The following MSH3 variants were observed in gnomAD, a reference collection of about 807,000 sequenced individuals.
The protein encoded by MSH3 is DNA mismatch repair protein Msh3.
Under a neutral mutation model 123.3 loss-of-function variants are expected in MSH3, and 106 were observed. The observed-to-expected ratio is 0.86, with a 90% CI of 0.73 to 1.01. The LOEUF (loss-of-function observed/expected upper bound fraction) is 1.01. MSH3 is among the 50% of genes least tolerant of loss of function. The pLI is 0.00. For missense variants in MSH3, 1,459 were observed against 1,347.6 expected, an observed-to-expected ratio of 1.08 and a Z score of -1.29; for synonymous variants, 515 against 481.4, an observed-to-expected ratio of 1.07 and a Z score of -0.91.
intron 8 of MSH3, among the ~76,000 whole-genome samples, chr5:80,705,713 A>G (rs1750706977): frequency 6.6e-6 from 1 of 152,200 alleles, no homozygotes; most frequent in Admixed American, 6.5e-5. Flanking sequence ...TGAAGGAAGG[A>G]TCTGTTCCAG....
intron 15 of MSH3, among the ~76,000 whole-genome samples, chr5:80,774,311 T>C (rs546398493): frequency 6.6e-6 from 1 of 151,390 alleles, no homozygotes; most frequent in African/African-American, 2.4e-5. Context: ...CAAATGTTGA[T>C]GAGGATGTGG....
At chr5:80,775,890 CTT>C (rs760266846) in intron 16 of MSH3, 132 bp downstream of exon 16, 1,273 of 514,904 alleles carry the variant, frequency 2.5e-3, no homozygotes, top group East Asian at 3.7e-3. Context: ...TCTGATGGAA[CTT>C]TTTTTTTTTT....
In MSH3 at chr5:80,729,430, A is replaced by ATGTGTGTG. The variant is rs71594671; in HGVS notation, c.1568+489_1568+496dup. The stretch of plus-strand genomic sequence containing the variant: ...CTCCGTCCCAAAAAAAAAAAAAAAA[A>ATGTGTGTG]TGTGTGTGTGTGTGTGTGTGTGTGT... On this transcript the variant is annotated intron_variant, in intron 10 of 23. Coordinates refer to ENST00000265081, the MANE Select transcript of MSH3 (RefSeq NM_002439.5). Among the ~76,000 whole-genome samples, 133 of 78,350 alleles carry ATGTGTGTG rather than the reference A, an allele frequency of 1.7e-3. 2 individuals are homozygous for ATGTGTGTG. Among genetic ancestry groups the ATGTGTGTG allele is most frequent in the African/African-American group, 4.3e-3 (76 of 17,872 alleles). The allele number at this position is 78,350 out of a possible 152,430, so 51.4% of individuals were successfully genotyped here.
At chr5:80,849,659 G>GCTGGGACACAGGGCACCAAGTC (rs1294321505) in intron 20 of MSH3, among the ~76,000 whole-genome samples, 1 of 152,128 alleles carries the variant, frequency 6.6e-6, no homozygotes, top group Non-Finnish European at 1.5e-5. Context: ...GGCTAGAGCT[G>GCTGGGACACAGGGCACCAAGTC]CTGGGACACA....
At chr5:80,852,964 G>A (rs546227509) in intron 20 of MSH3, among the ~76,000 whole-genome samples, 3 of 152,336 alleles carry the variant, frequency 2.0e-5, no homozygotes, top group Non-Finnish European at 4.4e-5. Flanking sequence ...TGGCTACTGG[G>A]TGAAAAACCT....
rs866719660 is a variant in MSH3 at position 80,730,897 on chromosome 5, T to A, written c.1568+1932T>A. Among the ~76,000 whole-genome samples, 1,396 of 144,636 alleles carry A rather than the reference T, an allele frequency of 9.7e-3. 4 individuals are homozygous for A. The highest frequency in any genetic ancestry group is 0.016 in the South Asian group (73 of 4,648). 94.9% of individuals were successfully genotyped at this position (144,636 alleles called of 152,430 possible). A position where few individuals can be genotyped will look rare whatever the true frequency, so the allele number is the denominator to read the frequency against. ...CTCCTCATATATATATATATATATT[T>A]TTTTTTTTTTCTTTTTTTTTTTTTA... is the stretch of plus-strand genomic sequence containing the variant. On this transcript the variant is annotated intron_variant, in intron 10 of 23. Transcript: ENST00000265081.
At chr5:80,754,831 G>A (rs549840799) in intron 12 of MSH3, among the ~76,000 whole-genome samples, 21 of 152,280 alleles carry the variant, frequency 1.4e-4, no homozygotes, top group Admixed American at 9.8e-4. Flanking sequence ...ATTAATGGTT[G>A]TATTTCTAAT....
At chr5:80,831,100 G>T (rs1019725488) in intron 20 of MSH3, among the ~76,000 whole-genome samples, 1 of 152,100 alleles carries the variant, frequency 6.6e-6, no homozygotes, top group Non-Finnish European at 1.5e-5. Flanking sequence ...TAATACTCCA[G>T]TAAGCTCGTT....
At chr5:80,850,100 C>A (rs1745804090) in intron 20 of MSH3, among the ~76,000 whole-genome samples, 1 of 152,190 alleles carries the variant, frequency 6.6e-6, no homozygotes, top group South Asian at 2.1e-4. Context: ...AAAATGCTGC[C>A]AGTTTATTTG....
At chr5:80,856,607 C>G (rs1173284075) in intron 21 of MSH3, among the ~76,000 whole-genome samples, 1 of 151,248 alleles carries the variant, frequency 6.6e-6, no homozygotes, top group Non-Finnish European at 1.5e-5. Context: ...TGTTAAATGA[C>G]GAGTTAATGG....
chr5:80,676,304 T>G (rs779386552), intron 7 of MSH3, among the ~76,000 whole-genome samples: 4 of 152,232 alleles, frequency 2.6e-5, no homozygotes, highest in Non-Finnish European at 5.9e-5. Flanking sequence ...ATGTTAGGAT[T>G]ACAGGCGTGA....
rs139727375 is a variant in MSH3 at position 80,686,827 on chromosome 5, G to A, written c.1340+7734G>A. On this transcript the variant is annotated intron_variant, in intron 8 of 23. Transcript: ENST00000265081. ...AAAACAGCAGTTTTTGTCAGTTACT[G>A]GTTAATAATATTTTATTAATTTTGA... is the stretch of plus-strand genomic sequence containing the variant. Among the ~76,000 whole-genome samples the A allele has an allele frequency of 2.7e-3, 409 of 150,902 alleles. 3 individuals are homozygous for A. Among genetic ancestry groups the A allele is most frequent in the Middle Eastern group, 3.6e-3 (1 of 280 alleles).
chr5:80,836,593 C>A (rs564136542), intron 20 of MSH3, among the ~76,000 whole-genome samples: 5 of 145,434 alleles, frequency 3.4e-5, no homozygotes, highest in Non-Finnish European at 7.5e-5. Context: ...CCCTCAGTAT[C>A]TGCTGGGGAC....
At chr5:80,823,470 C>CA (rs1241292434) in intron 20 of MSH3, among the ~76,000 whole-genome samples, 1 of 152,144 alleles carries the variant, frequency 6.6e-6, no homozygotes, top group Non-Finnish European at 1.5e-5. Flanking sequence ...TACTTGTCCA[C>CA]AAAGTTTTTC....
chr5:80,654,761 G>A lies in MSH3; in HGVS notation c.34G>A (p.Ala12Thr), dbSNP rs1580537725. Residue 12 changes from alanine to threonine, a missense_variant, in exon 1 of 24, where the codon GCT becomes ACT. Coordinates refer to ENST00000265081, the MANE Select transcript of MSH3 (RefSeq NM_002439.5). ...SRRKPASGGL[A>T]ASSSAPARQA... ...CCGGAAGCCTGCGTCGGGCGGCCTC[G>A]CTGCCTCCAGCTCAGCCCCTGCGAG... 1.2e-6 allele frequency: 2 copies of A among 1,602,950 alleles called. No homozygotes were observed. Among genetic ancestry groups the A allele is most frequent in the East Asian group, 2.3e-5 (1 of 42,958 alleles).
chr5:80,844,506 A>G (rs145256152), intron 20 of MSH3, among the ~76,000 whole-genome samples: 15,248 of 152,022 alleles, frequency 0.1, 787 homozygotes, highest in South Asian at 0.15. Flanking sequence ...GGATGTTAAA[A>G]TCTCCCATTA....
chr5:80,746,201 T>C (rs923997539), intron 12 of MSH3: 5 of 208,428 alleles, frequency 2.4e-5, no homozygotes, highest in Non-Finnish European at 4.8e-5. Context: ...ACACATTCAC[T>C]GAGGACAATA....
chr5:80,674,470 CATT>C lies in MSH3; in HGVS notation c.1028-510_1028-508del, dbSNP rs560042381. Among the ~76,000 whole-genome samples the C allele has an allele frequency of 1.2e-3, 183 of 152,182 alleles. 1 individual carries two copies. The highest frequency in any genetic ancestry group is 4.3e-3 in the African/African-American group (177 of 41,528). On this transcript the variant is annotated intron_variant, in intron 6 of 23. Transcript: ENST00000265081. ...TTATACTTTGAATTGTGGAATTAAACATTATGGGATTGTTAAGGATTCAAGTCT... is the reference window on the plus strand; with the variant it reads ...TTATACTTTGAATTGTGGAATTAAACATGGGATTGTTAAGGATTCAAGTCT...
intron 23 of MSH3, among the ~76,000 whole-genome samples, 179 bp from the exon 24 acceptor site, chr5:80,875,572 C>T (rs1407420446): frequency 6.6e-6 from 1 of 152,136 alleles, no homozygotes; most frequent in African/African-American, 2.4e-5. Context: ...ACCTGGGTCC[C>T]TTGATTATAG....
Sources: allele counts gnomAD v4.1 joint callset (sites outside exome capture counted in the v4.1 genomes callset), GRCh38; gene constraint gnomAD v4.1.1; transcripts MANE v1.5; gene names NCBI Gene and HGNC (gene_info 2026-07-23, HGNC 2026-07-21).